The following FAT4 variants were observed in gnomAD, a reference collection of about 807,000 sequenced individuals.
FAT4 encodes protocadherin Fat 4.
In FAT4, 84 loss-of-function variants were observed where a neutral mutation model predicts 303.9. The observed-to-expected ratio is 0.28, with a 90% CI of 0.23 to 0.33. The LOEUF (loss-of-function observed/expected upper bound fraction) is 0.33, where lower values mean the gene tolerates loss of function less well. FAT4 is among the 10% of genes least tolerant of loss of function. FAT4 has a pLI of 1.00. For missense variants in FAT4, 6,005 were observed against 6,146.8 expected (o/e 0.98, Z 0.77); for synonymous variants, 2,307 against 2,298.8 (o/e 1.00, Z -0.10).
Position 125,470,611 on chromosome 4 carries a change from C to A in FAT4, c.12213+1792C>A, listed in dbSNP as rs545566345. ...ACTTCTTTCCTTAAACCTCATGAGC[C>A]AACCTCTGCTACATTCCAACTTTTC... On this transcript the variant is annotated intron_variant, in intron 12 of 17. Transcript: ENST00000394329. Among the ~76,000 whole-genome samples the A allele has an allele frequency of 1.2e-3, 180 of 152,318 alleles. 1 individual carries two copies. The highest frequency in any genetic ancestry group is 4.2e-3 in the African/African-American group (174 of 41,572).
At chr4:125,433,486 C>T (rs912851257) in intron 7 of FAT4, among the ~76,000 whole-genome samples, 1 of 152,184 alleles carries the variant, frequency 6.6e-6, no homozygotes, top group Non-Finnish European at 1.5e-5. Flanking sequence ...CCACAGAATT[C>T]CAACACATAT....
intron 2 of FAT4, among the ~76,000 whole-genome samples, chr4:125,378,183 G>A (rs1733407419): frequency 6.6e-6 from 1 of 152,050 alleles, no homozygotes; most frequent in African/African-American, 2.4e-5. Flanking sequence ...GTTTAGGAAT[G>A]GTTAGTCTTC....
At chr4:125,455,254 A>C (rs901227303) in intron 10 of FAT4, among the ~76,000 whole-genome samples, 19 of 152,360 alleles carry the variant, frequency 1.2e-4, no homozygotes, top group Admixed American at 9.1e-4. Flanking sequence ...AGAAACATGG[A>C]AAGTACTACT....
At chr4:125,390,703 T>C (rs1733945663) in intron 2 of FAT4, among the ~76,000 whole-genome samples, 1 of 152,202 alleles carries the variant, frequency 6.6e-6, no homozygotes, top group Non-Finnish European at 1.5e-5. Context: ...ATGAGCTCAG[T>C]TATTCTTCCA....
At position 125,315,112 on chromosome 4, in the gene FAT4, AG is replaced by A. The variant is rs1730513506; in HGVS notation, c.-874del. Among the ~76,000 whole-genome samples the A allele has an allele frequency of 6.6e-6, 1 of 151,604 alleles. No homozygotes were observed. The highest frequency in any genetic ancestry group is 2.1e-4 in the South Asian group (1 of 4,806). On this transcript the variant is annotated 5_prime_UTR_variant, in exon 1 of 18. The change creates a premature stop within an existing upstream ORF in the 5' untranslated region. Coordinates refer to ENST00000394329, the MANE Select transcript of FAT4 (RefSeq NM_001291303.3). ...TGTGTGCATGCCTGTGCGGCGGGGA[AG>A]GGGCGGGGAGAGTGTGAGGGACCAG...
Position 125,317,843 on chromosome 4 carries a change from C to G in FAT4, c.1432C>G (p.Gln478Glu), listed in dbSNP as rs201892240. Reference sequence around the variant, plus strand: ...TGACCATCCTCCTGTCTTTTCACAGCAAGTGTACAGAGTGAACCTGAGCGA... The same window carrying G: ...TGACCATCCTCCTGTCTTTTCACAGGAAGTGTACAGAGTGAACCTGAGCGA... The part of the protein sequence containing the change: ...INDHPPVFSQ[Q>E]VYRVNLSEEA... The change falls in exon 2 of 18, where the codon CAA becomes GAA. Residue 478 changes from glutamine (Q) to glutamate (E), a missense_variant. By Grantham distance (29) the Gln-to-Glu change is conservative. Transcript: ENST00000394329. This position sits in a 1 kb window ranked among gnomAD's most constrained non-coding sequence, Gnocchi z 7.0. The G allele has an allele frequency of 4.6e-5, 75 of 1,614,154 alleles. No individual in the cohort carries two copies. In the African/African-American group the frequency reaches 8.0e-4, roughly 17 times the overall value.
At chr4:125,329,298 T>C (rs1578527100) in intron 2 of FAT4, among the ~76,000 whole-genome samples, 2 of 152,364 alleles carry the variant, frequency 1.3e-5, no homozygotes, top group East Asian at 3.9e-4. Context: ...CTGAGGCCAC[T>C]ATGATGGACA....
At chr4:125,408,296 C>T (rs1734700188) in intron 4 of FAT4, 148 bp from the exon 5 acceptor site, 1 of 534,062 alleles carries the variant, frequency 1.9e-6, no homozygotes, top group South Asian at 2.9e-5. Flanking sequence ...TCAAAATCTG[C>T]AGAATGTTAT....
chr4:125,488,121 A>G (rs796980912), intron 17 of FAT4, among the ~76,000 whole-genome samples: 1 of 152,240 alleles, frequency 6.6e-6, no homozygotes, highest in South Asian at 2.1e-4. Context: ...TGGAATTGAC[A>G]TGTATACATA....
At chr4:125,458,265 A>G (rs1404224276) in intron 10 of FAT4, among the ~76,000 whole-genome samples, 1 of 151,992 alleles carries the variant, frequency 6.6e-6, no homozygotes, top group Non-Finnish European at 1.5e-5. Flanking sequence ...CTTTTATGTC[A>G]TTTGACAGTA....
intron 2 of FAT4, among the ~76,000 whole-genome samples, chr4:125,387,121 T>A (rs929186695): frequency 1.3e-5 from 2 of 152,188 alleles, no homozygotes; most frequent in African/African-American, 4.8e-5. Context: ...CCTGCTGCTA[T>A]GGGCCGGGTT....
intron 2 of FAT4, among the ~76,000 whole-genome samples, chr4:125,385,737 A>T (rs967675769): frequency 2.6e-5 from 4 of 152,082 alleles, no homozygotes; most frequent in Non-Finnish European, 5.9e-5. Flanking sequence ...CAAATCTTTC[A>T]TAAGTGTACA....
chr4:125,461,242 ATATAAT>A (rs1726471992), intron 10 of FAT4, among the ~76,000 whole-genome samples: 1 of 152,082 alleles, frequency 6.6e-6, no homozygotes, highest in South Asian at 2.1e-4. Flanking sequence ...GAATTGATTC[ATATAAT>A]TATACACAAA....
Position 125,415,203 on chromosome 4 carries a change from C to T in FAT4, c.6240C>T (p.Gly2080=). Residue 2080 remains glycine (G), a synonymous_variant, in exon 6 of 18, where the codon GGC becomes GGT. Transcript: ENST00000394329. ...FKAQATDPDS[G]PNSYIEYTLL... is the part of the protein sequence containing the mutation. Reference sequence around the variant, plus strand: ...CTCAAGCAACTGACCCAGATAGTGGCCCAAACAGCTATATTGAGTACACTC... The same window carrying T: ...CTCAAGCAACTGACCCAGATAGTGGTCCAAACAGCTATATTGAGTACACTC... The T allele has an allele frequency of 2.5e-6, 4 of 1,614,056 alleles. No individual in the cohort carries two copies. Among genetic ancestry groups the T allele is most frequent in the Non-Finnish European group, 3.4e-6 (4 of 1,179,980 alleles).
chr4:125,481,683 G>A lies in FAT4; in HGVS notation c.12767G>A (p.Ser4256Asn), dbSNP rs1727234461. 3 of 1,613,898 alleles carry A rather than the reference G, an allele frequency of 1.9e-6. No individual in the cohort carries two copies. The East Asian group carries it at 6.7e-5, about 36-fold the overall frequency. ...CTGGAAGTAAAATTTAGGACCAGAA[G>A]CGAGAATGGCGTTTTAATCCATATC... The part of the protein sequence containing the change: ...NSLEVKFRTR[S>N]ENGVLIHIQE... The change falls in exon 16 of 18, where the codon AGC becomes AAC. Residue 4256 changes from serine to asparagine, a missense_variant. Physicochemically the swap from Ser to Asn is conservative, Grantham distance 46. Coordinates refer to ENST00000394329, the MANE Select transcript of FAT4 (RefSeq NM_001291303.3).
At chr4:125,381,349 A>G (rs1311369522) in intron 2 of FAT4, among the ~76,000 whole-genome samples, 1 of 152,186 alleles carries the variant, frequency 6.6e-6, no homozygotes, top group Non-Finnish European at 1.5e-5. Flanking sequence ...CTTTAAATGC[A>G]GGTATACCTC....
chr4:125,410,719 A>T (rs1353316046), intron 5 of FAT4, among the ~76,000 whole-genome samples: 1 of 152,146 alleles, frequency 6.6e-6, no homozygotes, highest in Non-Finnish European at 1.5e-5. Flanking sequence ...GATACCAAAA[A>T]ATTAAAAAGA....
At chr4:125,452,940 T>A in intron 10 of FAT4, 130 bp downstream of exon 10, 1 of 1,178,198 alleles carries the variant, frequency 8.5e-7, no homozygotes, top group East Asian at 2.4e-5. Flanking sequence ...TTTTAAACAT[T>A]TACTGTTGGT....
intron 11 of FAT4, among the ~76,000 whole-genome samples, chr4:125,467,246 G>C (rs190957119): frequency 6.6e-6 from 1 of 152,068 alleles, no homozygotes; most frequent in Non-Finnish European, 1.5e-5. Flanking sequence ...CAGTAGATCT[G>C]GCCTCAAATT....
Sources: gnomAD v4.1 joint callset for allele counts (sites outside exome capture counted in the v4.1 genomes callset) on GRCh38, gnomAD v4.1.1 for gene constraint, Gnocchi (gnomAD v3.1) non-coding constraint, MANE v1.5 for transcripts, NCBI Gene and HGNC (gene_info 2026-07-23, HGNC 2026-07-21) for gene names.